The following AFG2A variants were observed in gnomAD, a reference collection of about 807,000 sequenced individuals.
AFG2A encodes the protein ATPase family gene 2 protein homolog A.
chr4:122,965,579 T>C, the AFG2A span, among the ~76,000 whole-genome samples: 2 of 152,328 alleles, frequency 1.3e-5, no homozygotes, highest in African/African-American at 4.8e-5. Context: ...GAAAAGAAGA[T>C]GATACATTTT....
At chr4:123,104,235 T>C in the AFG2A span, among the ~76,000 whole-genome samples, 1 of 152,210 alleles carries the variant, frequency 6.6e-6, no homozygotes, top group African/African-American at 2.4e-5. Context: ...TATTATGTTA[T>C]CTTGATCTGA....
chr4:123,023,190 A>G, the AFG2A span, among the ~76,000 whole-genome samples: 2 of 151,866 alleles, frequency 1.3e-5, no homozygotes, highest in Non-Finnish European at 2.9e-5. Context: ...TATAATAATA[A>G]TGATAATAAT....
the AFG2A span, among the ~76,000 whole-genome samples, chr4:122,972,965 A>G: frequency 7.9e-5 from 12 of 152,040 alleles, no homozygotes; most frequent in Non-Finnish European, 1.3e-4. Flanking sequence ...ATCTTCTGGT[A>G]TCTTCTATAT....
At chr4:123,260,258 C>T in the AFG2A span, 1 of 152,088 alleles carries the variant, frequency 6.6e-6, no homozygotes, top group Non-Finnish European at 1.5e-5. Context: ...GAGTTAAATA[C>T]ATTTCACACT....
At chr4:123,222,883 A>G in the AFG2A span, among the ~76,000 whole-genome samples, 1 of 152,172 alleles carries the variant, frequency 6.6e-6, no homozygotes, top group Admixed American at 6.5e-5. Context: ...CTTTTTAAAG[A>G]CTGAATAATA....
chr4:123,283,830 G>GA, the AFG2A span, among the ~76,000 whole-genome samples: 1 of 152,084 alleles, frequency 6.6e-6, no homozygotes, highest in Non-Finnish European at 1.5e-5. Flanking sequence ...GTAGTTCCAG[G>GA]AGGAACTGTG....
At chr4:123,180,211 C>T in the AFG2A span, among the ~76,000 whole-genome samples, 1 of 152,120 alleles carries the variant, frequency 6.6e-6, no homozygotes, top group Admixed American at 6.6e-5. Flanking sequence ...CAGAGTGAGA[C>T]TCTGTCTCAG....
At chr4:122,988,713 A>G in the AFG2A span, among the ~76,000 whole-genome samples, 5 of 151,870 alleles carry the variant, frequency 3.3e-5, no homozygotes, top group South Asian at 6.3e-4. Flanking sequence ...CTTTAAGTAA[A>G]TTTTCTGCCC....
At chr4:123,092,710 T>C in the AFG2A span, among the ~76,000 whole-genome samples, 1 of 152,260 alleles carries the variant, frequency 6.6e-6, no homozygotes, top group Admixed American at 6.5e-5. Context: ...CATTAGGAGC[T>C]CATGTTTCTA....
the AFG2A span, among the ~76,000 whole-genome samples, chr4:122,997,002 C>T: frequency 6.6e-6 from 1 of 152,104 alleles, no homozygotes; most frequent in Non-Finnish European, 1.5e-5. Context: ...GCTGATCTTT[C>T]CTAATGAGTC....
the AFG2A span, among the ~76,000 whole-genome samples, chr4:123,198,354 T>C: frequency 6.6e-6 from 1 of 152,110 alleles, no homozygotes; most frequent in Non-Finnish European, 1.5e-5. Flanking sequence ...TGTAGCTTGT[T>C]CCATATTGTG....
the AFG2A span, among the ~76,000 whole-genome samples, chr4:123,014,023 T>C: frequency 6.6e-6 from 1 of 152,248 alleles, no homozygotes; most frequent in Non-Finnish European, 1.5e-5. Flanking sequence ...GTATTCCATA[T>C]GATTGACTTA....
the AFG2A span, among the ~76,000 whole-genome samples, chr4:123,080,753 C>T: frequency 6.6e-6 from 1 of 151,994 alleles, no homozygotes; most frequent in Non-Finnish European, 1.5e-5. Flanking sequence ...CATCCGGTGA[C>T]TCCATGGAGA....
At chr4:123,041,771 G>T in the AFG2A span, among the ~76,000 whole-genome samples, 1 of 149,546 alleles carries the variant, frequency 6.7e-6, no homozygotes, top group Non-Finnish European at 1.5e-5. Context: ...TAGGTGATCC[G>T]CCCACCTCAG....
chr4:123,179,341 A>ACT, the AFG2A span, among the ~76,000 whole-genome samples: 1 of 148,986 alleles, frequency 6.7e-6, no homozygotes, highest in Non-Finnish European at 1.5e-5. Flanking sequence ...TTACTTACTT[A>ACT]TATATGTCTG....
the AFG2A span, among the ~76,000 whole-genome samples, chr4:122,974,567 G>A: frequency 1.3e-5 from 2 of 152,290 alleles, no homozygotes; most frequent in African/African-American, 4.8e-5. Context: ...ACTTGGAACT[G>A]TAGCTTGCTG....
chr4:123,136,539 T>C, the AFG2A span, among the ~76,000 whole-genome samples: 1 of 150,700 alleles, frequency 6.6e-6, no homozygotes, highest in East Asian at 2.0e-4. Context: ...GCTGGGGTGG[T>C]GGCAGGCGCC....
At chr4:123,134,535 C>T in the AFG2A span, among the ~76,000 whole-genome samples, 1 of 143,484 alleles carries the variant, frequency 7.0e-6, no homozygotes, top group Non-Finnish European at 1.5e-5. Context: ...CAGCTTTGTT[C>T]TTTTTGGTCA....
At chr4:123,268,310 A>G in the AFG2A span, among the ~76,000 whole-genome samples, 1 of 152,182 alleles carries the variant, frequency 6.6e-6, no homozygotes, top group Non-Finnish European at 1.5e-5. Context: ...TCAGGTAGAA[A>G]TAAAAAATAA....
Sources: gnomAD v4.1 joint callset for allele counts (sites outside exome capture counted in the v4.1 genomes callset) on GRCh38, gnomAD v4.1.1 for gene constraint, MANE v1.5 for transcripts, NCBI Gene and HGNC (gene_info 2026-07-23, HGNC 2026-07-21) for gene names.